The following ZNF608 variants were observed in gnomAD, a reference collection of about 807,000 sequenced individuals.
ZNF608 encodes the protein zinc finger protein 608.
In ZNF608, 12 loss-of-function variants were observed where a neutral mutation model predicts 109.0. The observed-to-expected ratio is 0.11, with a 90% CI of 0.07 to 0.18. The LOEUF (loss-of-function observed/expected upper bound fraction) is 0.18. Among genes scored for constraint, ZNF608 ranks in the 10% least tolerant of loss-of-function variants. The pLI, the probability that ZNF608 is intolerant of heterozygous loss-of-function variation, is 1.00. For synonymous variants in ZNF608, 732 were observed against 717.4 expected, an observed-to-expected ratio of 1.02 and a Z score of -0.33; for missense variants, 1,707 against 1,879.3, an observed-to-expected ratio of 0.91 and a Z score of 1.70.
At position 124,673,929 on chromosome 5, in the gene ZNF608, G is replaced by GA. The variant is rs548287854; in HGVS notation, c.1163-24233dup. On this transcript the variant is annotated intron_variant, in intron 3 of 9. Coordinates refer to ENST00000513986, the MANE Select transcript of ZNF608 (RefSeq NM_020747.3). ...GCTTATATACGTTTTCACTAAATAT[G>GA]AAATTTTTTTTTAATTATTCAAAAG... 4.4e-3 allele frequency among the ~76,000 whole-genome samples: 669 copies of GA among 152,172 alleles called. 3 individuals carry two copies. The highest frequency in any genetic ancestry group is 7.0e-3 in the Non-Finnish European group (476 of 67,978).
intron 3 of ZNF608, among the ~76,000 whole-genome samples, chr5:124,688,864 GT>G (rs2149834613): frequency 6.6e-6 from 1 of 152,250 alleles, no homozygotes; most frequent in African/African-American, 2.4e-5. Context: ...AGAAATGCTT[GT>G]GTTTTAATGT....
At chr5:124,694,292 C>A (rs1198706285) in intron 3 of ZNF608, among the ~76,000 whole-genome samples, 2 of 151,144 alleles carry the variant, frequency 1.3e-5, no homozygotes, top group Non-Finnish European at 2.9e-5. Flanking sequence ...TGCGCCCGGC[C>A]CTCATTAATC....
At chr5:124,646,124 A>T in intron 5 of ZNF608, among the ~76,000 whole-genome samples, 2 of 152,132 alleles carry the variant, frequency 1.3e-5, no homozygotes. Context: ...GCACTTTGGG[A>T]GGCCAGGGTG....
chr5:124,681,180 C>T (rs1752181433), intron 3 of ZNF608, among the ~76,000 whole-genome samples: 1 of 152,188 alleles, frequency 6.6e-6, no homozygotes, highest in Admixed American at 6.5e-5. Context: ...AGGCCAGGTG[C>T]GGTGGCTCAC....
chr5:124,687,653 G>A (rs1752459614), intron 3 of ZNF608, among the ~76,000 whole-genome samples: 1 of 152,050 alleles, frequency 6.6e-6, no homozygotes, highest in Admixed American at 6.6e-5. Flanking sequence ...CCCACGAGCC[G>A]AATTCCCCTT....
chr5:124,747,590 T>C (rs1580735605), upstream of ZNF608, among the ~76,000 whole-genome samples: 14 of 146,942 alleles, frequency 9.5e-5, 2 homozygotes, highest in South Asian at 2.8e-3. Context: ...AAAAAAAAGC[T>C]GAAAGTCTCT....
chr5:124,711,178 G>A (rs1300488637), intron 2 of ZNF608, among the ~76,000 whole-genome samples: 3 of 152,082 alleles, frequency 2.0e-5, no homozygotes, highest in African/African-American at 7.2e-5. Context: ...TCCAGAATTC[G>A]GTTTCCCCAC....
At chr5:124,694,142 ATTTT>A (rs11320730) in intron 3 of ZNF608, among the ~76,000 whole-genome samples, 1 of 63,930 alleles carries the variant, frequency 1.6e-5, no homozygotes, top group East Asian at 6.3e-4. Context: ...CGCTCGGCTA[ATTTT>A]TTTTTTTTTT....
In ZNF608 at chr5:124,701,264, G is replaced by A; in HGVS notation, c.912C>T (p.Asp304=). The A allele has an allele frequency of 1.9e-6, 3 of 1,613,966 alleles. No homozygotes were observed. The highest frequency in any genetic ancestry group is 2.5e-6 in the Non-Finnish European group (3 of 1,179,920). The change falls in exon 3 of 10, where the codon GAC becomes GAT. Residue 304 remains aspartate (D), a synonymous_variant. Coordinates refer to ENST00000513986, the MANE Select transcript of ZNF608 (RefSeq NM_020747.3). ...GTGGCGCTGGCACTGTAAACAGGGG[G>A]TCAACCTGAAAGACAGACAGGCTTA... ...RIKKLKTEKV[D]PLFTVPAPPP...
chr5:124,697,897 T>C (rs1561567637), intron 3 of ZNF608, among the ~76,000 whole-genome samples: 1 of 152,142 alleles, frequency 6.6e-6, no homozygotes, highest in Non-Finnish European at 1.5e-5. Context: ...CACACACACA[T>C]ATATGACCTT....
intron 2 of ZNF608, among the ~76,000 whole-genome samples, chr5:124,720,959 G>A (rs1374687158): frequency 1.3e-5 from 2 of 149,154 alleles, no homozygotes; most frequent in Non-Finnish European, 3.0e-5. Flanking sequence ...AAAGAAAAAA[G>A]TAGCATTTCA....
Position 124,648,222 on chromosome 5 carries a change from G to T in ZNF608, c.2162C>A (p.Thr721Asn), listed in dbSNP as rs6862252. The T allele has an allele frequency of 0.54, 868,649 of 1,613,728 alleles. 236,777 individuals are homozygous for T. The highest frequency in any genetic ancestry group is 0.77 in the East Asian group (34,330 of 44,872). The stretch of plus-strand genomic sequence containing the variant: ...GAGGTTTTTGTCCGTTTTGCAGTTG[G>T]TAGCTTTTTTGCCCTTTTCTTTATC... Reference protein sequence around the residue: ...LGDKEKGKKATNCKTDKNLSK... With the variant: ...LGDKEKGKKANNCKTDKNLSK... The change falls in exon 5 of 10, where the codon ACC (threonine) becomes AAC (asparagine). Residue 721 changes from threonine to asparagine, a missense_variant. Coordinates refer to ENST00000513986, the MANE Select transcript of ZNF608 (RefSeq NM_020747.3).
chr5:124,659,109 A>G (rs1751139058), intron 3 of ZNF608, among the ~76,000 whole-genome samples: 1 of 151,904 alleles, frequency 6.6e-6, no homozygotes, highest in South Asian at 2.1e-4. Flanking sequence ...CAGCCATTCA[A>G]ATCATTGGTC....
intron 3 of ZNF608, among the ~76,000 whole-genome samples, chr5:124,662,848 C>A (rs532838065): frequency 6.6e-6 from 1 of 152,114 alleles, no homozygotes; most frequent in East Asian, 1.9e-4. Flanking sequence ...CACTTCTGGA[C>A]AAAAATCTGA....
Position 124,649,124 on chromosome 5 carries a change from C to G in ZNF608, c.1260G>C (p.Glu420Asp), listed in dbSNP as rs372660759. 1.3e-6 allele frequency: 2 copies of G among 1,556,518 alleles called. No individual in the cohort carries two copies. Among genetic ancestry groups the G allele is most frequent in the African/African-American group, 2.8e-5 (2 of 72,124 alleles). The part of the protein sequence containing the change: ...KHDWAPPRFC[E>D]SPTSDLEMRG... ...TCATCTCCAGGTCACTTGTCGGTGA[C>G]TCACAAAACCTATGGAAGCAAGTAA... The change falls in exon 5 of 10, where the codon GAG (glutamate) becomes GAC (aspartate). Residue 420 changes from glutamate to aspartate, a missense_variant. Physicochemically the swap from Glu to Asp is conservative, Grantham distance 45 (BLOSUM62 2). Coordinates refer to ENST00000513986, the MANE Select transcript of ZNF608 (RefSeq NM_020747.3).
At chr5:124,740,604 C>T (rs1749351184) in intron 2 of ZNF608, among the ~76,000 whole-genome samples, 1 of 151,538 alleles carries the variant, frequency 6.6e-6, no homozygotes, top group Non-Finnish European at 1.5e-5. Context: ...CCAGAATTCC[C>T]TGGTGAAGTA....
intron 2 of ZNF608, among the ~76,000 whole-genome samples, chr5:124,732,879 G>A (rs562033720): frequency 6.6e-6 from 1 of 152,170 alleles, no homozygotes; most frequent in Non-Finnish European, 1.5e-5. Context: ...CCCTCTCTCA[G>A]CTAAAAGAAC....
chr5:124,741,394 GAAAAA>G (rs34192958), intron 2 of ZNF608, among the ~76,000 whole-genome samples: 1 of 68,420 alleles, frequency 1.5e-5, no homozygotes, highest in Non-Finnish European at 2.7e-5. Context: ...CTTCCAACCA[GAAAAA>G]AAAAAAAAAA....
At chr5:124,745,213 G>A (rs1296460965) in intron 1 of ZNF608, 41 bp from the exon 2 acceptor site, 2 of 1,385,528 alleles carry the variant, frequency 1.4e-6, no homozygotes, top group African/African-American at 2.9e-5. Flanking sequence ...TCTTGTCTGG[G>A]TGTTACCAGA....
Sources: gnomAD v4.1 joint callset for allele counts (sites outside exome capture counted in the v4.1 genomes callset) on GRCh38, gnomAD v4.1.1 for gene constraint, MANE v1.5 for transcripts, NCBI Gene and HGNC (gene_info 2026-07-23, HGNC 2026-07-21) for gene names.